The following FGFR2 variants were observed in gnomAD, a reference collection of about 807,000 sequenced individuals.
FGFR2 encodes the protein fibroblast growth factor receptor 2.
FGFR2 carries 19 observed loss-of-function variants against 95.9 expected under a neutral mutation model. That is an observed-to-expected ratio of 0.20 (90% confidence interval 0.14 to 0.29). The LOEUF (loss-of-function observed/expected upper bound fraction) is 0.29. Among genes scored for constraint, FGFR2 ranks in the 10% least tolerant of loss-of-function variants. The pLI is 1.00. For synonymous variants in FGFR2, 392 were observed against 393.3 expected (o/e 1.00, Z 0.04); for missense variants, 707 against 1,056.9 (o/e 0.67, Z 4.59).
At chr10:121,480,443 G>A (rs549643324) in intron 17 of FGFR2, 3 of 282,164 alleles carry the variant, frequency 1.1e-5, no homozygotes, top group Admixed American at 4.7e-5. Flanking sequence ...CTTCAAATGC[G>A]AGCCCCAGCA....
At chr10:121,502,457 A>G (rs531136770) in intron 10 of FGFR2, among the ~76,000 whole-genome samples, 2 of 152,314 alleles carry the variant, frequency 1.3e-5, no homozygotes, top group South Asian at 2.1e-4. Context: ...AATAATATCC[A>G]TACAATTATT....
chr10:121,588,288 A>G (rs1317238895), intron 2 of FGFR2, among the ~76,000 whole-genome samples: 9 of 152,102 alleles, frequency 5.9e-5, no homozygotes, highest in Admixed American at 2.0e-4. Context: ...AAAAATAGCT[A>G]TTGGGTACTG....
At chr10:121,514,576 G>C (rs1456781093) in intron 9 of FGFR2, among the ~76,000 whole-genome samples, 1 of 152,180 alleles carries the variant, frequency 6.6e-6, no homozygotes, top group Non-Finnish European at 1.5e-5. Flanking sequence ...ATTGCAAAGA[G>C]GTTAAGCCAA....
chr10:121,575,351 C>T (rs896483743), intron 2 of FGFR2, among the ~76,000 whole-genome samples: 4 of 152,152 alleles, frequency 2.6e-5, no homozygotes, highest in African/African-American at 9.7e-5. Flanking sequence ...ATCCCTCTTG[C>T]TTTTGATCTG....
chr10:121,534,932 G>T (rs1184146751), intron 6 of FGFR2, among the ~76,000 whole-genome samples: 1 of 152,182 alleles, frequency 6.6e-6, no homozygotes, highest in African/African-American at 2.4e-5. Context: ...CTAAGCCTTG[G>T]AAACTAGGAA....
At position 121,518,014 on chromosome 10, in the gene FGFR2, G is replaced by A; in HGVS notation, c.940-551C>T. On this transcript the variant is annotated intron_variant, in intron 7 of 17. Coordinates refer to ENST00000358487, the MANE Select transcript of FGFR2 (RefSeq NM_000141.5). The surrounding 1 kb of genome is among the most constrained non-coding windows in gnomAD (Gnocchi z 4.0). Reference sequence around the variant, plus strand: ...CTGCGATACCATCTTGCCCTACATAGCATTGACAAAAAGAAATGGAAGCAA... The same window carrying A: ...CTGCGATACCATCTTGCCCTACATAACATTGACAAAAAGAAATGGAAGCAA... The A allele has an allele frequency of 2.0e-6, 1 of 489,840 alleles. No homozygotes were observed. The highest frequency in any genetic ancestry group is 2.0e-5 in the African/African-American group (1 of 50,282). The allele number at this position is 489,840 out of a possible 1,614,324, so 30.3% of individuals were successfully genotyped here.
rs1215703678 is a variant in FGFR2, at chr10:121,511,802, C to T, written c.1287+3315G>A. 6.6e-5 allele frequency among the ~76,000 whole-genome samples: 10 copies of T among 152,148 alleles called. No individual in the cohort carries two copies. The East Asian group carries it at 1.5e-3, about 23-fold the overall frequency. On this transcript the variant is annotated intron_variant, in intron 9 of 17. Coordinates refer to ENST00000358487, the MANE Select transcript of FGFR2 (RefSeq NM_000141.5). The stretch of plus-strand genomic sequence containing the variant: ...TGCATACAAAGTCTCAAAAAATTCA[C>T]GCTTACTAGGAAATGATTGCAAGGA...
intron 2 of FGFR2, among the ~76,000 whole-genome samples, chr10:121,574,790 A>T (rs1773432033): frequency 1.3e-5 from 2 of 152,196 alleles, no homozygotes; most frequent in South Asian, 4.1e-4. Flanking sequence ...GGAAGGGACA[A>T]ATACTCCGCA....
intron 4 of FGFR2, among the ~76,000 whole-genome samples, chr10:121,554,273 C>T (rs889207586): frequency 6.6e-6 from 1 of 152,072 alleles, no homozygotes; most frequent in East Asian, 1.9e-4. Context: ...CACACAGCCT[C>T]TCTTTAAATA....
intron 6 of FGFR2, among the ~76,000 whole-genome samples, chr10:121,528,358 T>G (rs1851659346): frequency 6.6e-6 from 1 of 152,146 alleles, no homozygotes; most frequent in African/African-American, 2.4e-5. Context: ...TTGTTTAATA[T>G]GATTAAACGA....
At chr10:121,511,191 C>T (rs920006843) in intron 9 of FGFR2, among the ~76,000 whole-genome samples, 1 of 151,562 alleles carries the variant, frequency 6.6e-6, no homozygotes, top group African/African-American at 2.4e-5. Context: ...AAAAAAAAAA[C>T]CACCCTGCAG....
In FGFR2 at chr10:121,518,932, G is replaced by A. The variant is rs1018694472; in HGVS notation, c.939+1047C>T. On this transcript the variant is annotated intron_variant, in intron 7 of 17. Coordinates refer to ENST00000358487, the MANE Select transcript of FGFR2 (RefSeq NM_000141.5). This position sits in a 1 kb window ranked among gnomAD's most constrained non-coding sequence, Gnocchi z 4.0. ...ACCGCAAGAAAACAAACTCCATTAC[G>A]TCTAAACAGCGGCATTAAAGGGCTG... 45 of 1,405,420 alleles carry A rather than the reference G, an allele frequency of 3.2e-5. 1 individual carries two copies. The highest frequency in any genetic ancestry group is 1.7e-4 in the South Asian group (15 of 86,034). 87.1% of individuals were successfully genotyped at this position (1,405,420 alleles called of 1,614,324 possible).
rs2133686853 is a variant in FGFR2 at position 121,480,032 on chromosome 10, G to A, written c.2302-11C>T. On this transcript the variant is annotated splice_polypyrimidine_tract_variant and intron_variant, in intron 17 of 17. Transcript: ENST00000358487. ...GAGGTCCAAGTATTCCTGAAAGAAG[G>A]GAAGAGAGACGTTTTATTTCATCTT... 2 of 1,612,484 alleles carry A rather than the reference G, an allele frequency of 1.2e-6. No homozygotes were observed. The highest frequency in any genetic ancestry group is 1.7e-6 in the Non-Finnish European group (2 of 1,178,486).
intron 17 of FGFR2, chr10:121,480,225 C>G (rs1844500220): frequency 2.9e-6 from 2 of 701,748 alleles, no homozygotes. Flanking sequence ...ACCCAGCCCA[C>G]CTGACTTCCA....
chr10:121,556,416 TCTCTC>T (rs1856155780), intron 4 of FGFR2, among the ~76,000 whole-genome samples: 1 of 150,602 alleles, frequency 6.6e-6, no homozygotes, highest in Non-Finnish European at 1.5e-5. Context: ...TCTCTCTCTC[TCTCTC>T]TCTCTCTCTC....
chr10:121,547,060 A>G (rs960523836), intron 5 of FGFR2, among the ~76,000 whole-genome samples: 2 of 152,146 alleles, frequency 1.3e-5, no homozygotes, highest in African/African-American at 2.4e-5. Context: ...CCCCATCTCC[A>G]CTAAAAATAC....
chr10:121,480,065 GA>G (rs777120030), intron 17 of FGFR2, 44 bp from the exon 18 acceptor site: 1 of 1,558,032 alleles, frequency 6.4e-7, no homozygotes, highest in East Asian at 2.2e-5. Context: ...CTTGGGTCAG[GA>G]TAACAAGGTG....
intron 6 of FGFR2, among the ~76,000 whole-genome samples, chr10:121,525,506 G>A (rs1851233642): frequency 6.6e-6 from 1 of 152,106 alleles, no homozygotes; most frequent in Admixed American, 6.5e-5. Context: ...CAGCTGCTAA[G>A]AATTGAAATA....
chr10:121,518,920 A>C lies in FGFR2; in HGVS notation c.939+1059T>G. ...CACCACCAACACACCGCAAGAAAAC[A>C]AACTCCATTACGTCTAAACAGCGGC... On this transcript the variant is annotated intron_variant, in intron 7 of 17. Coordinates refer to ENST00000358487, the MANE Select transcript of FGFR2 (RefSeq NM_000141.5). The surrounding 1 kb of genome is among the most constrained non-coding windows in gnomAD (Gnocchi z 4.0). The C allele has an allele frequency of 6.7e-7, 1 of 1,489,220 alleles. No homozygotes were observed. The highest frequency in any genetic ancestry group is 9.3e-7 in the Non-Finnish European group (1 of 1,069,880). The allele number at this position is 1,489,220 out of a possible 1,614,324, so 92.3% of individuals were successfully genotyped here.
Sources: gnomAD v4.1 joint callset for allele counts (sites outside exome capture counted in the v4.1 genomes callset) on GRCh38, gnomAD v4.1.1 for gene constraint, Gnocchi (gnomAD v3.1) non-coding constraint, MANE v1.5 for transcripts, NCBI Gene and HGNC (gene_info 2026-07-23, HGNC 2026-07-21) for gene names.